Variants in CTBP2 observed in about 807,000 individuals in gnomAD.
The protein encoded by CTBP2 is C-terminal-binding protein 2.
CTBP2 carries 30 observed loss-of-function variants against 80.3 expected under a neutral mutation model. That is an observed-to-expected ratio of 0.37 (90% confidence interval 0.28 to 0.51). CTBP2 has a LOEUF of 0.51. CTBP2 is among the 20% of genes least tolerant of loss of function. The pLI is 0.93. For synonymous variants in CTBP2, 594 were observed against 587.4 expected (o/e 1.01, Z -0.16); for missense variants, 1,212 against 1,375.3 (o/e 0.88, Z 1.88).
chr10:125,093,662 A>G (rs1849114711), intron 2 of CTBP2, among the ~76,000 whole-genome samples: 1 of 152,198 alleles, frequency 6.6e-6, no homozygotes, highest in South Asian at 2.1e-4. Context: ...CACTGGACAG[A>G]TAATTCCTTG....
chr10:125,080,295 A>C (rs1485674230), intron 2 of CTBP2, among the ~76,000 whole-genome samples: 1 of 151,338 alleles, frequency 6.6e-6, no homozygotes, highest in Non-Finnish European at 1.5e-5. Flanking sequence ...GTAAAAAAAA[A>C]ACACACACCC....
At chr10:124,989,811 G>T in intron 8 of CTBP2, 113 bp from the exon 11 acceptor site, 2 of 1,055,906 alleles carry the variant, frequency 1.9e-6, no homozygotes, top group Non-Finnish European at 2.6e-6. Flanking sequence ...ACATGAACAT[G>T]GCTCACCTTG....
intron 6 of CTBP2, 31 bp downstream of exon 8, chr10:124,993,817 CCTGTGGG>C: frequency 1.9e-6 from 3 of 1,595,150 alleles, no homozygotes; most frequent in Non-Finnish European, 2.6e-6. Context: ...GGAGCTGGGC[CCTGTGGG>C]CTCCTGGTAG....
chr10:125,030,871 G>C (rs1280395617), upstream of CTBP2, among the ~76,000 whole-genome samples: 4 of 152,148 alleles, frequency 2.6e-5, no homozygotes, highest in Admixed American at 6.5e-5. Flanking sequence ...GCACCTGCCT[G>C]GGCTTCCATT....
At chr10:125,001,934 G>C (rs1025240615) in intron 3 of CTBP2, among the ~76,000 whole-genome samples, 21 of 152,046 alleles carry the variant, frequency 1.4e-4, no homozygotes, top group African/African-American at 5.1e-4. Context: ...GTGCCCGAGA[G>C]CAGGATTCTC....
At chr10:125,111,365 C>A (rs980506730) in intron 1 of CTBP2, among the ~76,000 whole-genome samples, 1 of 152,124 alleles carries the variant, frequency 6.6e-6, no homozygotes, top group African/African-American at 2.4e-5. Context: ...GTGTCATCAC[C>A]GTGAAAATGT....
At chr10:125,074,112 C>A (rs1590564073) in intron 2 of CTBP2, among the ~76,000 whole-genome samples, 1 of 152,172 alleles carries the variant, frequency 6.6e-6, no homozygotes, top group Non-Finnish European at 1.5e-5. Flanking sequence ...CTGGCCTCTA[C>A]CCTCTAGATA....
Position 124,998,079 on chromosome 10 carries a change from C to T in CTBP2, c.2070G>A (p.Thr690=), listed in dbSNP as rs75826544. ...CTTCCCGCAGTGCCTGGTACAGCCA[C>T]GTGTTCCTCCGGTACAGGTTGAGGA... Residue 690 remains threonine, a synonymous_variant, in exon 4 of 9, where the codon ACG becomes ACA. Transcript: ENST00000309035. The T allele has an allele frequency of 3.1e-6, 5 of 1,612,886 alleles. No individual in the cohort carries two copies. The highest frequency in any genetic ancestry group is 2.7e-5 in the African/African-American group (2 of 74,958).
At chr10:125,038,021 C>G (rs1042308849) in intron 3 of CTBP2, among the ~76,000 whole-genome samples, 1 of 152,182 alleles carries the variant, frequency 6.6e-6, no homozygotes, top group African/African-American at 2.4e-5. Context: ...CCCTTTAACG[C>G]CAAACTCCTT....
intron 8 of CTBP2, among the ~76,000 whole-genome samples, chr10:124,991,457 A>G (rs1411173434): frequency 6.6e-6 from 1 of 152,222 alleles, no homozygotes; most frequent in Non-Finnish European, 1.5e-5. Context: ...GATAGGCTCA[A>G]AATACTTTTG....
intron 1 of CTBP2, among the ~76,000 whole-genome samples, chr10:125,007,967 A>T (rs1955448816): frequency 6.7e-6 from 1 of 149,700 alleles, no homozygotes; most frequent in African/African-American, 2.5e-5. Flanking sequence ...TTTTTTGGAG[A>T]CAGAGTTTCA....
chr10:125,148,844 C>T (rs151142170), intron 1 of CTBP2, among the ~76,000 whole-genome samples: 20 of 152,356 alleles, frequency 1.3e-4, no homozygotes, highest in African/African-American at 4.8e-4. Flanking sequence ...TCACTTGAAG[C>T]CTCATTCTTA....
At chr10:125,115,730 C>T (rs1258660106) in intron 1 of CTBP2, among the ~76,000 whole-genome samples, 1 of 152,318 alleles carries the variant, frequency 6.6e-6, no homozygotes, top group African/African-American at 2.4e-5. Flanking sequence ...ATCCAATAGT[C>T]CTAATCAGGT....
intron 2 of CTBP2, among the ~76,000 whole-genome samples, chr10:125,052,202 G>C (rs7903340): frequency 0.15 from 23,296 of 152,194 alleles, 2,137 homozygotes; most frequent in African/African-American, 0.25. Flanking sequence ...AGCAATCTGT[G>C]CAGAATCCTG....
intron 1 of CTBP2, among the ~76,000 whole-genome samples, chr10:125,154,460 C>A (rs1860565779): frequency 6.6e-6 from 1 of 152,238 alleles, no homozygotes; most frequent in Admixed American, 6.5e-5. Context: ...ACAAAATCAT[C>A]ACTTGTCCCA....
intron 1 of CTBP2, among the ~76,000 whole-genome samples, chr10:125,157,474 C>T (rs1461602054): frequency 1.3e-5 from 2 of 152,028 alleles, no homozygotes; most frequent in African/African-American, 4.8e-5. Flanking sequence ...ACCCAAACCA[C>T]CTAGTCAGGT....
At chr10:125,038,622 A>G (rs1487952292) in intron 3 of CTBP2, among the ~76,000 whole-genome samples, 3 of 152,374 alleles carry the variant, frequency 2.0e-5, no homozygotes, top group African/African-American at 7.2e-5. Context: ...CAGGGAATTC[A>G]GCATTGTAAA....
chr10:125,151,631 G>C (rs950842754), intron 1 of CTBP2, among the ~76,000 whole-genome samples: 1 of 152,224 alleles, frequency 6.6e-6, no homozygotes, highest in African/African-American at 2.4e-5. Flanking sequence ...GACCCCAGGA[G>C]TCCCCATGAG....
At chr10:125,038,243 A>G (rs974912227) in intron 3 of CTBP2, among the ~76,000 whole-genome samples, 3 of 152,094 alleles carry the variant, frequency 2.0e-5, no homozygotes, top group African/African-American at 7.2e-5. Flanking sequence ...GTCAGCTACT[A>G]AACTTCAGCG....
Sources: allele counts gnomAD v4.1 joint callset (sites outside exome capture counted in the v4.1 genomes callset), GRCh38; gene constraint gnomAD v4.1.1; transcripts MANE v1.5; gene names NCBI Gene and HGNC (gene_info 2026-07-23, HGNC 2026-07-21).